Variants in LRRK2 observed in about 807,000 individuals in gnomAD.
The protein encoded by LRRK2 is leucine-rich repeat serine/threonine-protein kinase 2.
A neutral mutation model predicts 302.6 loss-of-function variants in LRRK2; 203 were observed. That is an observed-to-expected ratio of 0.67 (90% CI 0.60 to 0.75). LRRK2 has a LOEUF of 0.75. Ranked by LOEUF, LRRK2 falls within the 30% of genes least tolerant of loss-of-function variation. LRRK2 has a pLI of 0.00. For missense variants in LRRK2, 2,830 were observed against 2,951.0 expected (o/e 0.96, Z 0.95); for synonymous variants, 1,066 against 1,031.9 (o/e 1.03, Z -0.63).
chr12:40,318,582 G>A (rs1945299221), intron 33 of LRRK2, among the ~76,000 whole-genome samples: 1 of 152,026 alleles, frequency 6.6e-6, no homozygotes, highest in South Asian at 2.1e-4. Context: ...AAGAGGTAGA[G>A]TTAGAATTTC....
At chr12:40,307,612 T>A (rs1023952928) in intron 28 of LRRK2, among the ~76,000 whole-genome samples, 1 of 151,946 alleles carries the variant, frequency 6.6e-6, no homozygotes, top group Non-Finnish European at 1.5e-5. Flanking sequence ...TAGCTATACA[T>A]CATATATACC....
chr12:40,305,305 A>C (rs1944779707), intron 27 of LRRK2, among the ~76,000 whole-genome samples: 1 of 152,126 alleles, frequency 6.6e-6, no homozygotes, highest in Non-Finnish European at 1.5e-5. Context: ...ATTGCTTAAA[A>C]ATTTGGAACA....
At chr12:40,361,166 T>C (rs1346765209) in intron 47 of LRRK2, among the ~76,000 whole-genome samples, 1 of 151,978 alleles carries the variant, frequency 6.6e-6, no homozygotes, top group Non-Finnish European at 1.5e-5. Context: ...GATTCTAAAG[T>C]ATATTTGAGG....
intron 10 of LRRK2, 102 bp downstream of exon 10, chr12:40,251,646 G>A (rs1209851151): frequency 1.1e-5 from 12 of 1,045,902 alleles, no homozygotes; most frequent in African/African-American, 4.8e-5. Flanking sequence ...AAATATTTTT[G>A]ATATAGGCAT....
In LRRK2 at chr12:40,252,998, A is replaced by G. The variant is rs202171494; in HGVS notation, c.1270A>G (p.Thr424Ala). 1.9e-6 allele frequency: 3 copies of G among 1,611,422 alleles called. No individual in the cohort carries two copies. The highest frequency in any genetic ancestry group is 2.2e-5 in the South Asian group (2 of 91,032). Residue 424 changes from threonine to alanine, a missense_variant, in exon 11 of 51, where the codon ACT becomes GCT. By Grantham distance (58) the Thr-to-Ala change is moderately conservative. Around this residue, in one of 3 missense-constraint regions of LRRK2, gnomAD observed 2,121 missense variants for 2,148.0 expected, o/e 0.99. Coordinates refer to ENST00000298910, the MANE Select transcript of LRRK2 (RefSeq NM_198578.4). ...CCAGGCATCTGCGAATGCATTGTCA[A>G]CTCTCTTAGAACAAAATGGTAAGCA... Reference protein sequence around the residue: ...VFQASANALSTLLEQNVNFRK... With the variant: ...VFQASANALSALLEQNVNFRK...
chr12:40,357,796 AG>A (rs1041501840), intron 46 of LRRK2, among the ~76,000 whole-genome samples: 3 of 152,134 alleles, frequency 2.0e-5, no homozygotes, highest in African/African-American at 7.2e-5. Flanking sequence ...GTTTTAAGAC[AG>A]GGTCTTGCTT....
At chr12:40,346,271 A>G (rs1410493462) in intron 41 of LRRK2, among the ~76,000 whole-genome samples, 4 of 152,076 alleles carry the variant, frequency 2.6e-5, no homozygotes, top group Non-Finnish European at 4.4e-5. Flanking sequence ...TCAGGAAATA[A>G]TGAGAGTGTT....
intron 43 of LRRK2, among the ~76,000 whole-genome samples, chr12:40,349,369 G>A (rs1946288080): frequency 2.0e-5 from 3 of 151,986 alleles, no homozygotes. Context: ...ACCAGTCTTA[G>A]GCTTAGCTTT....
intron 10 of LRRK2, 152 bp downstream of exon 10, chr12:40,251,696 A>G: frequency 1.5e-6 from 1 of 681,970 alleles, no homozygotes; most frequent in South Asian, 1.8e-5. Context: ...GTAGGTATGT[A>G]GTATTTTGAT....
intron 20 of LRRK2, among the ~76,000 whole-genome samples, chr12:40,290,497 C>T (rs1387715281): frequency 1.3e-5 from 2 of 151,934 alleles, no homozygotes; most frequent in African/African-American, 4.8e-5. Context: ...TGATAGACTT[C>T]ACCAGCAAAG....
intron 5 of LRRK2, 41 bp downstream of exon 5, chr12:40,238,144 A>T: frequency 6.3e-7 from 1 of 1,586,614 alleles, no homozygotes. Context: ...TATATAAGAA[A>T]AAAAGGCTTA....
chr12:40,359,194 T>G, intron 46 of LRRK2, 66 bp from the exon 47 acceptor site: 1 of 1,384,336 alleles, frequency 7.2e-7, no homozygotes, highest in Non-Finnish European at 1.0e-6. Flanking sequence ...AAAGCACAGA[T>G]TTTATGGAGT....
chr12:40,228,240 G>A (rs919691444), intron 2 of LRRK2, among the ~76,000 whole-genome samples: 47 of 151,914 alleles, frequency 3.1e-4, no homozygotes, highest in Non-Finnish European at 2.1e-4. Context: ...ATCCTTACCA[G>A]CATTTGTTAT....
At chr12:40,271,299 A>C (rs1943224389) in intron 14 of LRRK2, among the ~76,000 whole-genome samples, 2 of 152,212 alleles carry the variant, frequency 1.3e-5, no homozygotes, top group Admixed American at 1.3e-4. Context: ...AAAAGAATAA[A>C]GGGAGAAAAC....
chr12:40,278,201 C>T lies in LRRK2; in HGVS notation c.2181C>T (p.Cys727=). Residue 727 remains cysteine (C), a synonymous_variant, in exon 18 of 51, where the codon TGC becomes TGT. Coordinates refer to ENST00000298910, the MANE Select transcript of LRRK2 (RefSeq NM_198578.4). ...CDQNNSIMVE[C]LLLLGADANQ... is the part of the protein sequence containing the mutation. ...AGAATAACAGCATCATGGTTGAATGCTTGCTTCTATTGGGAGCAGATGCCA... is the reference window on the plus strand; with the variant it reads ...AGAATAACAGCATCATGGTTGAATGTTTGCTTCTATTGGGAGCAGATGCCA... 2 of 1,614,058 alleles carry T rather than the reference C, an allele frequency of 1.2e-6. No homozygotes were observed. Among genetic ancestry groups the T allele is most frequent in the Non-Finnish European group, 8.5e-7 (1 of 1,179,968 alleles).
At chr12:40,240,670 A>G (rs1474964854) in intron 6 of LRRK2, 53 bp downstream of exon 6, 1 of 1,509,882 alleles carries the variant, frequency 6.6e-7, no homozygotes, top group Non-Finnish European at 9.2e-7. Context: ...ATTACAATAT[A>G]TCTCATTCTG....
intron 28 of LRRK2, 45 bp from the exon 29 acceptor site, chr12:40,308,422 A>G: frequency 6.9e-7 from 1 of 1,456,202 alleles, no homozygotes; most frequent in Non-Finnish European, 9.5e-7. Flanking sequence ...TCTCAAGTAT[A>G]CTTTTAAGCA....
chr12:40,348,337 A>C, intron 42 of LRRK2, 72 bp from the exon 43 acceptor site: 1 of 1,055,678 alleles, frequency 9.5e-7, no homozygotes. Flanking sequence ...TGGACCTTTT[A>C]TAAACATTGA....
At chr12:40,270,135 T>C (rs193065551) in intron 14 of LRRK2, among the ~76,000 whole-genome samples, 8 of 152,254 alleles carry the variant, frequency 5.3e-5, no homozygotes, top group African/African-American at 1.9e-4. Flanking sequence ...GCTTGGCACA[T>C]AGTATGCGCT....
Sources: allele counts gnomAD v4.1 joint callset (sites outside exome capture counted in the v4.1 genomes callset), GRCh38; gene constraint gnomAD v4.1.1; regional missense constraint gnomAD v4.1.1; transcripts MANE v1.5; gene names NCBI Gene and HGNC (gene_info 2026-07-23, HGNC 2026-07-21).